HIKESHI: variants seen among roughly 807,000 people sequenced by gnomAD.
HIKESHI encodes the protein protein Hikeshi.
In HIKESHI, 13 loss-of-function variants were observed where a neutral mutation model predicts 25.7. The observed-to-expected ratio is 0.51, with a 90% confidence interval of 0.33 to 0.80. The LOEUF is 0.80. HIKESHI is among the 30% of genes least tolerant of loss of function. The pLI, the probability that HIKESHI is intolerant of heterozygous loss-of-function variation, is 0.02. For missense variants in HIKESHI, 174 were observed against 229.5 expected, an observed-to-expected ratio of 0.76 and a Z score of 1.56; for synonymous variants, 76 against 78.7, an observed-to-expected ratio of 0.97 and a Z score of 0.18.
chr11:86,344,846 C>A, intron 4 of HIKESHI, 125 bp downstream of exon 4: 3 of 693,228 alleles, frequency 4.3e-6, no homozygotes, highest in South Asian at 3.8e-5. Flanking sequence ...GCACTGCATG[C>A]CATTAAAGTA....
intron 3 of HIKESHI, among the ~76,000 whole-genome samples, chr11:86,338,316 G>A (rs540711919): frequency 6.6e-6 from 1 of 152,278 alleles, no homozygotes; most frequent in South Asian, 2.1e-4. Context: ...CTATTATCAA[G>A]AGGAAAAATT....
At chr11:86,304,427 G>A (rs938631719) in intron 1 of HIKESHI, among the ~76,000 whole-genome samples, 1 of 151,138 alleles carries the variant, frequency 6.6e-6, no homozygotes, top group Admixed American at 6.6e-5. Context: ...ATGAGACTGT[G>A]AAAAGGACAC....
At chr11:86,341,034 T>C (rs7106569) in intron 3 of HIKESHI, among the ~76,000 whole-genome samples, 107,765 of 152,098 alleles carry the variant, frequency 0.71, 38,540 homozygotes, top group East Asian at 0.82. Flanking sequence ...ATTTTCAACT[T>C]CCCTCCCCTT....
intron 1 of HIKESHI, among the ~76,000 whole-genome samples, chr11:86,303,045 C>A (rs1053459842): frequency 3.3e-5 from 5 of 152,064 alleles, no homozygotes; most frequent in Non-Finnish European, 7.4e-5. Context: ...ACGTGTGAGC[C>A]GTATCTGAGA....
intron 2 of HIKESHI, among the ~76,000 whole-genome samples, chr11:86,319,862 T>G (rs1310314027): frequency 6.6e-6 from 1 of 152,184 alleles, no homozygotes. Flanking sequence ...TATGGATATG[T>G]TTTTGTGTGA....
intron 3 of HIKESHI, among the ~76,000 whole-genome samples, chr11:86,342,754 C>A (rs548984934): frequency 4.7e-5 from 7 of 148,478 alleles, no homozygotes; most frequent in Non-Finnish European, 8.9e-5. Context: ...GTAATAGCAT[C>A]TTTGTCATAT....
chr11:86,328,899 TTGTGTTTTG>T (rs1397732733), intron 2 of HIKESHI, among the ~76,000 whole-genome samples: 14 of 126,148 alleles, frequency 1.1e-4, no homozygotes, highest in Non-Finnish European at 2.1e-4. Flanking sequence ...CCATTGTGTT[TTGTGTTTTG>T]TGTGTGTGTG....
At chr11:86,341,743 G>T (rs560930104) in intron 3 of HIKESHI, among the ~76,000 whole-genome samples, 168 of 152,018 alleles carry the variant, frequency 1.1e-3, no homozygotes, top group Non-Finnish European at 2.0e-3. Flanking sequence ...TGGACCTATT[G>T]TATAGCCATA....
intron 2 of HIKESHI, among the ~76,000 whole-genome samples, chr11:86,329,574 C>CTT (rs71040232): frequency 1.5e-4 from 21 of 143,870 alleles, no homozygotes; most frequent in African/African-American, 3.3e-4. Flanking sequence ...CCTGTGATTT[C>CTT]TTTTTTTTTT....
chr11:86,345,028 GT>G (rs1947836373), intron 4 of HIKESHI: 1 of 741,768 alleles, frequency 1.3e-6, no homozygotes, highest in Non-Finnish European at 1.8e-6. Flanking sequence ...TATGAGAGTA[GT>G]TTATACTGCA....
chr11:86,335,313 T>C (rs1177704143), intron 2 of HIKESHI, among the ~76,000 whole-genome samples: 1 of 152,190 alleles, frequency 6.6e-6, no homozygotes, highest in Non-Finnish European at 1.5e-5. Context: ...CAGACATATG[T>C]TTTAGCTACT....
chr11:86,337,461 A>G lies in HIKESHI; in HGVS notation c.351A>G (p.Leu117=). 6.2e-7 allele frequency: 1 copy of G among 1,614,104 alleles called. No homozygotes were observed. ...SVAQIGISVE[L]LDSMAQQTPV... The stretch of plus-strand genomic sequence containing the variant: ...CTCAGATTGGAATTTCAGTGGAATT[A>G]TTAGACAGTATGGCTCAGCAGACTC... Residue 117 remains leucine, a synonymous_variant, in exon 3 of 5, where the codon TTA becomes TTG. Transcript: ENST00000278483.
chr11:86,307,417 T>G (rs1385545045), intron 2 of HIKESHI, among the ~76,000 whole-genome samples: 1 of 134,884 alleles, frequency 7.4e-6, no homozygotes, highest in Non-Finnish European at 1.5e-5. Flanking sequence ...TATATCAATA[T>G]ATTATGTGTA....
At chr11:86,341,759 G>C (rs897324743) in intron 3 of HIKESHI, among the ~76,000 whole-genome samples, 1 of 151,804 alleles carries the variant, frequency 6.6e-6, no homozygotes, top group Non-Finnish European at 1.5e-5. Flanking sequence ...CCATAGACAA[G>C]GTATTATTTC....
At chr11:86,331,201 C>T (rs928314540) in intron 2 of HIKESHI, among the ~76,000 whole-genome samples, 2 of 151,986 alleles carry the variant, frequency 1.3e-5, no homozygotes, top group African/African-American at 4.8e-5. Context: ...AGAAATTACC[C>T]AGATAGGGCC....
chr11:86,304,591 A>G (rs1352527062), intron 1 of HIKESHI, among the ~76,000 whole-genome samples: 1 of 142,818 alleles, frequency 7.0e-6, no homozygotes, highest in Non-Finnish European at 1.5e-5. Flanking sequence ...ATCTCTGCTC[A>G]TCGCAACCTC....
In HIKESHI at chr11:86,337,405, G is replaced by A. The variant is rs1430830768; in HGVS notation, c.295G>A (p.Ala99Thr). ...SGEGSQHPFG[A>T]MNIVRTPSVA... ...AGAAGGAAGCCAACATCCTTTTGGA[G>A]CCATGAATATTGTCCGAACTCCATC... Residue 99 changes from alanine to threonine, a missense_variant, in exon 3 of 5, where the codon GCC becomes ACC. Ala to Thr is a moderately conservative substitution (Grantham distance 58, BLOSUM62 0). Coordinates refer to ENST00000278483, the MANE Select transcript of HIKESHI (RefSeq NM_016401.4). 1 of 1,613,518 alleles carries A rather than the reference G, an allele frequency of 6.2e-7. No individual in the cohort carries two copies. The highest frequency in any genetic ancestry group is 1.7e-5 in the Admixed American group (1 of 59,908).
chr11:86,329,353 AC>A (rs1313446457), intron 2 of HIKESHI, among the ~76,000 whole-genome samples: 1 of 152,118 alleles, frequency 6.6e-6, no homozygotes, highest in Non-Finnish European at 1.5e-5. Flanking sequence ...AAATCTCAAA[AC>A]ATTTTAAATT....
At chr11:86,328,740 C>T (rs1444676625) in intron 2 of HIKESHI, among the ~76,000 whole-genome samples, 2 of 151,968 alleles carry the variant, frequency 1.3e-5, no homozygotes, top group African/African-American at 4.8e-5. Flanking sequence ...CCATGCCTGA[C>T]CCTATTTTGT....
Sources: gnomAD v4.1 joint callset for allele counts (sites outside exome capture counted in the v4.1 genomes callset) on GRCh38, gnomAD v4.1.1 for gene constraint, MANE v1.5 for transcripts, NCBI Gene and HGNC (gene_info 2026-07-23, HGNC 2026-07-21) for gene names.